SALL2: variants seen among roughly 807,000 people sequenced by gnomAD.
SALL2 encodes sal-like protein 2.
A neutral mutation model predicts 58.5 loss-of-function variants in SALL2; 32 were observed. The ratio of observed to expected loss-of-function variants is 0.55; its 90% CI spans 0.41 to 0.74. The LOEUF is 0.74. Among genes scored for constraint, SALL2 ranks in the 30% least tolerant of loss-of-function variants. SALL2 has a pLI of 0.00. For synonymous variants in SALL2, 516 were observed against 513.6 expected, an observed-to-expected ratio of 1.00 and a Z score of -0.06; for missense variants, 1,201 against 1,268.9, an observed-to-expected ratio of 0.95 and a Z score of 0.81.
chr14:21,526,136 G>C lies in SALL2; in HGVS notation c.-9C>G. 1.3e-6 allele frequency: 2 copies of C among 1,540,510 alleles called. No homozygotes were observed. The highest frequency in any genetic ancestry group is 1.7e-6 in the Non-Finnish European group (2 of 1,149,494). On this transcript the variant is annotated 5_prime_UTR_variant, in exon 1 of 2. Transcript: ENST00000537235. ...TCGGATTCGTGCGCCATGGTTGTGG[G>C]GGAAGTGGAGGGCCAGGTGGGGTGG...
intron 1 of SALL2, among the ~76,000 whole-genome samples, chr14:21,533,215 G>A (rs1298236841): frequency 1.3e-5 from 2 of 152,084 alleles, no homozygotes; most frequent in Admixed American, 1.3e-4. Flanking sequence ...TTCTTATCTA[G>A]TACTCTGTAA....
chr14:21,523,122 G>T lies in SALL2; in HGVS notation c.2600C>A (p.Pro867Gln). ...TGATGCCGGACTTGAGCTTCTCTCC[G>T]GTTTGCCCCCCTCTTCCTTGCCTCC... is the stretch of plus-strand genomic sequence containing the variant. ...VLGGKEEGGK[P>Q]ERSSSPASAL... Residue 867 changes from proline to glutamine, a missense_variant, in exon 2 of 2, where the codon CCG becomes CAG. Pro to Gln is a moderately conservative substitution (Grantham distance 76). Transcript: ENST00000537235. This position sits in a 1 kb window ranked among gnomAD's most constrained non-coding sequence, Gnocchi z 4.4. 2 of 1,614,120 alleles carry T rather than the reference G, an allele frequency of 1.2e-6. No individual in the cohort carries two copies. Among genetic ancestry groups the T allele is most frequent in the South Asian group, 1.1e-5 (1 of 91,074 alleles).
chr14:21,524,218 C>T lies in SALL2; in HGVS notation c.1504G>A (p.Gly502Arg), dbSNP rs1892179184. 6.2e-7 allele frequency: 1 copy of T among 1,612,440 alleles called. No homozygotes were observed. Among genetic ancestry groups the T allele is most frequent in the Admixed American group, 1.7e-5 (1 of 59,940 alleles). ...ACAAACTTATTGAAAGCAGGGAGTC[C>T]TGGAGCCGTGGCTGTGCCTGCACTG... is the stretch of plus-strand genomic sequence containing the variant. Reference protein sequence around the residue: ...STSAGTATAPGLPAFNKFVLM... With the variant: ...STSAGTATAPRLPAFNKFVLM... Residue 502 changes from glycine to arginine, a missense_variant, in exon 2 of 2, where the codon GGA becomes AGA. Gly to Arg is a moderately radical substitution (Grantham distance 125). This residue lies in a region of SALL2 where 675 missense variants were observed against 683.8 expected (regional missense o/e 0.99). Transcript: ENST00000537235.
rs756316346 is a variant in SALL2, at chr14:21,525,681, G to A, written c.68-27C>T. ...TGGGGAGAAGACAAGGAGAGAGAGC[G>A]TGGGTGGCGCAGTTGGGTTGGGTAT... On this transcript the variant is annotated intron_variant, in intron 1 of 1. Coordinates refer to ENST00000537235, the MANE Select transcript of SALL2 (RefSeq NM_001364564.1). The surrounding 1 kb of genome is among the most constrained non-coding windows in gnomAD (Gnocchi z 4.4). 19 of 1,541,878 alleles carry A rather than the reference G, an allele frequency of 1.2e-5. 1 individual carries two copies. In the South Asian group the frequency reaches 1.9e-4, roughly 15 times the overall value.
In SALL2 at chr14:21,525,202, G is replaced by A; in HGVS notation, c.520C>T (p.His174Tyr). ...TCCAAGATCAGGGGGATATTCAAGT[G>A]GCCACTGCCTACCCCTGGGGGCGGA... ...PPPPPGVGSGHLNIPLILEEL... is the reference protein window; with the variant it reads ...PPPPPGVGSGYLNIPLILEEL... The change falls in exon 2 of 2, where the codon CAC (histidine) becomes TAC (tyrosine). Residue 174 changes from histidine (H) to tyrosine (Y), a missense_variant. By Grantham distance (83) the His-to-Tyr change is moderately conservative. Around this residue, in one of 3 missense-constraint regions of SALL2, gnomAD observed 467 missense variants for 468.9 expected, o/e 1.00. Transcript: ENST00000537235. This position sits in a 1 kb window ranked among gnomAD's most constrained non-coding sequence, Gnocchi z 4.4. 6.2e-7 allele frequency: 1 copy of A among 1,613,906 alleles called. No individual in the cohort carries two copies. Among genetic ancestry groups the A allele is most frequent in the Admixed American group, 1.7e-5 (1 of 60,010 alleles).
intron 1 of SALL2, among the ~76,000 whole-genome samples, chr14:21,535,543 A>G (rs763722711): frequency 1.4e-4 from 22 of 152,156 alleles, no homozygotes; most frequent in Non-Finnish European, 2.2e-4. Context: ...GGATTTACAC[A>G]TATTAACTCA....
Position 21,525,651 on chromosome 14 carries a change from T to A in SALL2, c.71A>T (p.Asp24Val). ...PCGEPAELGG[D>V]ASEEDHPQVC... ...TTGGGGGTGATCCTCCTCGCTAGCA[T>A]CACCTGGGGAGAAGACAAGGAGAGA... Residue 24 changes from aspartate to valine, a missense_variant, in exon 2 of 2, where the codon GAT becomes GTT. Physicochemically the swap from Asp to Val is radical, Grantham distance 152. Coordinates refer to ENST00000537235, the MANE Select transcript of SALL2 (RefSeq NM_001364564.1). This position sits in a 1 kb window ranked among gnomAD's most constrained non-coding sequence, Gnocchi z 4.4. 2 of 1,566,466 alleles carry A rather than the reference T, an allele frequency of 1.3e-6. No homozygotes were observed. The highest frequency in any genetic ancestry group is 1.7e-6 in the Non-Finnish European group (2 of 1,153,432).
In SALL2 at chr14:21,525,469, T is replaced by C. The variant is rs564799424; in HGVS notation, c.253A>G (p.Asn85Asp). 10 of 1,613,898 alleles carry C rather than the reference T, an allele frequency of 6.2e-6. No homozygotes were observed. In the South Asian group the frequency reaches 9.9e-5, roughly 16 times the overall value. Reference protein sequence around the residue: ...ASSEPRPEGHNNPQVMDTEHS... With the variant: ...ASSEPRPEGHDNPQVMDTEHS... The stretch of plus-strand genomic sequence containing the variant: ...TCTGTGTCCATGACCTGAGGATTAT[T>C]GTGACCCTCAGGCCGGGGTTCAGAG... The change falls in exon 2 of 2, where the codon AAT becomes GAT. Residue 85 changes from asparagine to aspartate, a missense_variant. By Grantham distance (23) the Asn-to-Asp change is conservative (BLOSUM62 1). Transcript: ENST00000537235. This position sits in a 1 kb window ranked among gnomAD's most constrained non-coding sequence, Gnocchi z 4.4.
At chr14:21,533,793 T>A (rs1892524840) in intron 1 of SALL2, among the ~76,000 whole-genome samples, 1 of 152,202 alleles carries the variant, frequency 6.6e-6, no homozygotes, top group Non-Finnish European at 1.5e-5. Flanking sequence ...TTAAAATATG[T>A]AACAAAGGCT....
In SALL2 at chr14:21,522,220, T is replaced by G; in HGVS notation, c.*484A>C. The G allele has an allele frequency of 3.8e-6, 6 of 1,596,158 alleles. No homozygotes were observed. The highest frequency in any genetic ancestry group is 5.1e-6 in the Non-Finnish European group (6 of 1,178,994). On this transcript the variant is annotated 3_prime_UTR_variant, in exon 2 of 2. Transcript: ENST00000537235. ...TTCCAGGGCTTCATGGGCAGGCCAT[T>G]TGACAGGAATGCCACATACTGGTTC...
chr14:21,537,112 ACTCT>A (rs1007744860), upstream of SALL2: 35 of 575,888 alleles, frequency 6.1e-5, 1 homozygote, highest in Middle Eastern at 8.3e-4. Context: ...TCTGTTCTTG[ACTCT>A]CTCTCTTTCT....
chr14:21,535,182 A>G (rs1466380592), intron 1 of SALL2, among the ~76,000 whole-genome samples: 3 of 151,920 alleles, frequency 2.0e-5, no homozygotes, highest in Non-Finnish European at 2.9e-5. Flanking sequence ...CGTCTCTACT[A>G]AAAATACAAA....
rs750760303 is a variant in SALL2, at chr14:21,525,660, G to A, written c.68-6C>T. 1 of 1,561,316 alleles carries A rather than the reference G, an allele frequency of 6.4e-7. No individual in the cohort carries two copies. Among genetic ancestry groups the A allele is most frequent in the South Asian group, 1.2e-5 (1 of 82,244 alleles). On this transcript the variant is annotated splice_region_variant and splice_polypyrimidine_tract_variant and intron_variant, in intron 1 of 1. Transcript: ENST00000537235. The surrounding 1 kb of genome is among the most constrained non-coding windows in gnomAD (Gnocchi z 4.4). ...ATCCTCCTCGCTAGCATCACCTGGG[G>A]AGAAGACAAGGAGAGAGAGCGTGGG...
In SALL2 at chr14:21,524,381, G is replaced by A. The variant is rs1342976405; in HGVS notation, c.1341C>T (p.Gly447=). The A allele has an allele frequency of 6.2e-7, 1 of 1,614,222 alleles. No individual in the cohort carries two copies. Among genetic ancestry groups the A allele is most frequent in the Admixed American group, 1.7e-5 (1 of 60,028 alleles). ...EHLDYVITSS[G]LPYGMSVPPE... ...GTGGCACGGACATACCATAAGGCAAGCCACTGCTGGTAATGACATAGTCTA... is the reference window on the plus strand; with the variant it reads ...GTGGCACGGACATACCATAAGGCAAACCACTGCTGGTAATGACATAGTCTA... The change falls in exon 2 of 2, where the codon GGC becomes GGT. Residue 447 remains glycine, a synonymous_variant. Coordinates refer to ENST00000537235, the MANE Select transcript of SALL2 (RefSeq NM_001364564.1).
chr14:21,525,416 G>C lies in SALL2; in HGVS notation c.306C>G (p.Ser102=), dbSNP rs1320573770. ...CCCAGGTGGGATCCGTGGGCACGGA[G>C]GACCCAGAATCTGGGGGGTTGCTAT... The part of the protein sequence containing the change: ...TEHSNPPDSG[S]SVPTDPTWGP... Residue 102 remains serine, a synonymous_variant, in exon 2 of 2, where the codon TCC becomes TCG. Transcript: ENST00000537235. This position sits in a 1 kb window ranked among gnomAD's most constrained non-coding sequence, Gnocchi z 4.4. 6.2e-7 allele frequency: 1 copy of C among 1,613,930 alleles called. No individual in the cohort carries two copies. The highest frequency in any genetic ancestry group is 1.3e-5 in the African/African-American group (1 of 74,904).
Position 21,522,263 on chromosome 14 carries a change from C to G in SALL2, c.*441G>C. The stretch of plus-strand genomic sequence containing the variant: ...ACTGGTTCTAGAAAGATAGGGGACC[C>G]ATACCCACCAGCTGAGCAGAAAGGT... On this transcript the variant is annotated 3_prime_UTR_variant, in exon 2 of 2. Coordinates refer to ENST00000537235, the MANE Select transcript of SALL2 (RefSeq NM_001364564.1). 6.4e-7 allele frequency: 1 copy of G among 1,570,288 alleles called. No homozygotes were observed.
rs1285022690 is a variant in SALL2, at chr14:21,525,036, G to C, written c.686C>G (p.Thr229Ser). The C allele has an allele frequency of 1.3e-5, 21 of 1,613,840 alleles. No individual in the cohort carries two copies. The highest frequency in any genetic ancestry group is 1.6e-4 in the Middle Eastern group (1 of 6,082). ...ASPSELPGTG[T>S]ASSTKPLLPL... is the part of the protein sequence containing the mutation. Reference sequence around the variant, plus strand: ...TAGTAGGGGCTTGGTGGAAGAGGCAGTCCCTGTCCCAGGTAGCTCTGAGGG... The same window carrying C: ...TAGTAGGGGCTTGGTGGAAGAGGCACTCCCTGTCCCAGGTAGCTCTGAGGG... The change falls in exon 2 of 2, where the codon ACT (threonine) becomes AGT (serine). Residue 229 changes from threonine (T) to serine (S), a missense_variant. Physicochemically the swap from Thr to Ser is moderately conservative, Grantham distance 58 (BLOSUM62 1). Transcript: ENST00000537235. The surrounding 1 kb of genome is among the most constrained non-coding windows in gnomAD (Gnocchi z 4.4).
chr14:21,530,281 C>CTTTTTTTTTTTTTTTTTTTTTTTTTTTTT (rs34598628), upstream of SALL2, among the ~76,000 whole-genome samples: 1 of 64,850 alleles, frequency 1.5e-5, no homozygotes, highest in Non-Finnish European at 2.7e-5. Context: ...TTTTTTCTTT[C>CTTTTTTTTTTTTTTTTTTTTTTTTTTTTT]TTTTTTTTTT....
At chr14:21,526,014 T>TCCCCCAACCCCC in intron 1 of SALL2, 47 bp downstream of exon 1, 1 of 1,041,066 alleles carries the variant, frequency 9.6e-7, no homozygotes, top group South Asian at 1.4e-5. Context: ...CCCCTGCGCA[T>TCCCCCAACCCCC]CCCCCTCCGC....
Sources: gnomAD v4.1 joint callset for allele counts (sites outside exome capture counted in the v4.1 genomes callset) on GRCh38, gnomAD v4.1.1 for gene constraint, gnomAD v4.1.1 regional missense constraint, Gnocchi (gnomAD v3.1) non-coding constraint, MANE v1.5 for transcripts, NCBI Gene and HGNC (gene_info 2026-07-23, HGNC 2026-07-21) for gene names.